Variants in PPFIA4 observed in about 807,000 individuals in gnomAD.
PPFIA4 encodes the protein PPFI scaffold protein A4.
Under a neutral mutation model 145.7 loss-of-function variants are expected in PPFIA4, and 98 were observed. The observed-to-expected ratio is 0.67, with a 90% CI of 0.57 to 0.80. The LOEUF is 0.80. Ranked by LOEUF, PPFIA4 falls within the 30% of genes least tolerant of loss-of-function variation. The probability of loss-of-function intolerance (pLI) is 0.00; values close to 1 mark genes in which losing one functional copy is unlikely to be tolerated. For missense variants in PPFIA4, 1,457 were observed against 1,632.7 expected, an observed-to-expected ratio of 0.89 and a Z score of 1.85; for synonymous variants, 628 against 649.6, an observed-to-expected ratio of 0.97 and a Z score of 0.51.
At chr1:203,035,805 C>CAGA (rs3041270) in intron 1 of PPFIA4, among the ~76,000 whole-genome samples, 1 of 152,022 alleles carries the variant, frequency 6.6e-6, no homozygotes, top group Admixed American at 6.6e-5. Flanking sequence ...TTCTGTGTAG[C>CAGA]AGAGAGGACA....
At chr1:203,042,470 G>A (rs1180818613) in intron 2 of PPFIA4, among the ~76,000 whole-genome samples, 2 of 152,158 alleles carry the variant, frequency 1.3e-5, no homozygotes, top group Non-Finnish European at 2.9e-5. Flanking sequence ...GCCTGACTGG[G>A]CAGGTCTGCA....
chr1:203,055,165 G>A lies in PPFIA4; in HGVS notation c.1830-267G>A, dbSNP rs1435132052. On this transcript the variant is annotated intron_variant, in intron 15 of 29. Coordinates refer to ENST00000295706, the MANE Select transcript of PPFIA4 (RefSeq NM_001304331.2). The surrounding 1 kb of genome is among the most constrained non-coding windows in gnomAD (Gnocchi z 4.8). ...CTGACTCAAGGCCACCCTATAGTTAGGGGTATGTCAAGAATTCTGATTTTC... is the reference window on the plus strand; with the variant it reads ...CTGACTCAAGGCCACCCTATAGTTAAGGGTATGTCAAGAATTCTGATTTTC... 6.6e-6 allele frequency among the ~76,000 whole-genome samples: 1 copy of A among 152,230 alleles called. No homozygotes were observed. Among genetic ancestry groups the A allele is most frequent in the Non-Finnish European group, 1.5e-5 (1 of 68,040 alleles).
Position 203,074,770 on chromosome 1 carries a change from G to T in PPFIA4, c.3394-807G>T, listed in dbSNP as rs536296591. On this transcript the variant is annotated intron_variant, in intron 28 of 29. Transcript: ENST00000295706. The stretch of plus-strand genomic sequence containing the variant: ...TGAAGTGTGGGGTGGGGAGGCCTGT[G>T]CAGAGGGGGATCCTGTAGGGTTGTG... Among the ~76,000 whole-genome samples, 67 of 152,188 alleles carry T rather than the reference G, an allele frequency of 4.4e-4. 1 individual carries two copies. The highest frequency in any genetic ancestry group is 1.4e-3 in the African/African-American group (59 of 41,534).
In PPFIA4 at chr1:203,059,909, G is replaced by A. The variant is rs144107976; in HGVS notation, c.2583+58G>A. 3,775 of 1,387,330 alleles carry A rather than the reference G, an allele frequency of 2.7e-3. 9 individuals carry two copies. Among genetic ancestry groups the A allele is most frequent in the Admixed American group, 4.9e-3 (256 of 52,328 alleles). 85.9% of individuals were successfully genotyped at this position (1,387,330 alleles called of 1,614,324 possible). ...TCTGGAGGGAAGGATGCTTGGGGTG[G>A]GCAGAGGGGTGGTGTCCTAGAACTT... is the stretch of plus-strand genomic sequence containing the variant. On this transcript the variant is annotated intron_variant, in intron 21 of 29. Transcript: ENST00000295706.
rs1181610383 is a variant in PPFIA4, at chr1:203,056,819, G to A, written c.2276G>A (p.Ser759Asn). 1 of 1,613,474 alleles carries A rather than the reference G, an allele frequency of 6.2e-7. No individual in the cohort carries two copies. The highest frequency in any genetic ancestry group is 8.5e-7 in the Non-Finnish European group (1 of 1,179,658). Reference sequence around the variant, plus strand: ...GATCAGGGCAGCAACCCCAGCAGCAGCAACAGCAGCCAGGACTCCCTGCAC... The same window carrying A: ...GATCAGGGCAGCAACCCCAGCAGCAACAACAGCAGCCAGGACTCCCTGCAC... Reference protein sequence around the residue: ...LEDQGSNPSSSNSSQDSLHKG... With the variant: ...LEDQGSNPSSNNSSQDSLHKG... Residue 759 changes from serine to asparagine, a missense_variant, in exon 19 of 30, where the codon AGC becomes AAC. By Grantham distance (46) the Ser-to-Asn change is conservative (BLOSUM62 1). Around this residue, in one of 3 missense-constraint regions of PPFIA4, gnomAD observed 848 missense variants for 1,046.7 expected, o/e 0.81. Coordinates refer to ENST00000295706, the MANE Select transcript of PPFIA4 (RefSeq NM_001304331.2).
intron 13 of PPFIA4, among the ~76,000 whole-genome samples, chr1:203,050,844 G>A (rs1660455335): frequency 1.3e-5 from 2 of 151,256 alleles, no homozygotes; most frequent in Non-Finnish European, 2.9e-5. Flanking sequence ...GTAAAATACG[G>A]CCCACAGTAC....
intron 2 of PPFIA4, among the ~76,000 whole-genome samples, chr1:203,042,008 C>A (rs1324786504): frequency 1.3e-5 from 2 of 152,118 alleles, no homozygotes; most frequent in African/African-American, 4.8e-5. Flanking sequence ...ATCTCTTGTC[C>A]CTTCTGCCCT....
intron 1 of PPFIA4, among the ~76,000 whole-genome samples, chr1:203,034,125 G>A (rs191121333): frequency 1.4e-4 from 22 of 152,304 alleles, no homozygotes; most frequent in African/African-American, 4.1e-4. Flanking sequence ...CTGGGTCAGC[G>A]GAAGGGCAGA....
intron 1 of PPFIA4, among the ~76,000 whole-genome samples, chr1:203,029,296 G>A (rs1288965093): frequency 2.6e-5 from 4 of 152,348 alleles, no homozygotes; most frequent in East Asian, 1.9e-4. Context: ...CAGCTGTAGC[G>A]TGGAATAGCC....
intron 6 of PPFIA4, among the ~76,000 whole-genome samples, chr1:203,045,034 C>T (rs902814325): frequency 6.6e-6 from 1 of 152,206 alleles, no homozygotes; most frequent in Non-Finnish European, 1.5e-5. Context: ...GCACCATCTG[C>T]CTCATGTGGC....
At position 203,048,184 on chromosome 1, in the gene PPFIA4, G is replaced by T. The variant is rs908677174; in HGVS notation, c.1141-43G>T. The T allele has an allele frequency of 4.4e-6, 7 of 1,596,242 alleles. No individual in the cohort carries two copies. The highest frequency in any genetic ancestry group is 6.0e-6 in the Non-Finnish European group (7 of 1,166,940). On this transcript the variant is annotated intron_variant, in intron 9 of 29. Transcript: ENST00000295706. The surrounding 1 kb of genome is among the most constrained non-coding windows in gnomAD (Gnocchi z 5.8). ...AGGGGATGCGGGGCCTGAGCAGGAA[G>T]AACAGAGATCTGCGGGCTGCACCGA...
chr1:203,056,175 C>G lies in PPFIA4; in HGVS notation c.2106+20C>G, dbSNP rs773361823. Reference sequence around the variant, plus strand: ...CTGCTGGTGAGTGCTGCCTGATGGCCCAGGTACTAACGGGTTCACTGCTCC... The same window carrying G: ...CTGCTGGTGAGTGCTGCCTGATGGCGCAGGTACTAACGGGTTCACTGCTCC... On this transcript the variant is annotated intron_variant, in intron 17 of 29. Coordinates refer to ENST00000295706, the MANE Select transcript of PPFIA4 (RefSeq NM_001304331.2). 1.9e-6 allele frequency: 3 copies of G among 1,613,758 alleles called. No individual in the cohort carries two copies. The East Asian group carries it at 6.7e-5, about 36-fold the overall frequency.
chr1:203,061,824 C>T (rs552254099), intron 24 of PPFIA4, 146 bp downstream of exon 24: 116 of 793,784 alleles, frequency 1.5e-4, no homozygotes, highest in African/African-American at 1.2e-3. Context: ...GAGTGCCCCC[C>T]GCCCCCACCC....
rs925693292 is a variant in PPFIA4 at position 203,072,222 on chromosome 1, G to A, written c.3393+462G>A. Among the ~76,000 whole-genome samples, 32 of 152,220 alleles carry A rather than the reference G, an allele frequency of 2.1e-4. 1 individual carries two copies. Among genetic ancestry groups the A allele is most frequent in the Non-Finnish European group, 2.9e-5 (2 of 68,034 alleles). On this transcript the variant is annotated intron_variant, in intron 28 of 29. Transcript: ENST00000295706. ...GGTGTGTGGAGGCGGATGCCCTGCT[G>A]AGGTTGTTAAATGACAGGTTTGCTC...
At chr1:203,049,023 G>A (rs1362853167) in intron 12 of PPFIA4, 43 bp downstream of exon 12, 1 of 1,539,550 alleles carries the variant, frequency 6.5e-7, no homozygotes, top group Admixed American at 2.0e-5. Flanking sequence ...GGAGGGCCGG[G>A]TTGCAGGGAG....
chr1:203,032,786 A>G (rs1013223170), intron 1 of PPFIA4, among the ~76,000 whole-genome samples: 7 of 152,112 alleles, frequency 4.6e-5, no homozygotes, highest in Admixed American at 4.6e-4. Context: ...TAGGGTGGCA[A>G]TGGCAAGGGT....
chr1:203,071,641 A>C, intron 27 of PPFIA4, 51 bp from the exon 28 acceptor site: 2 of 1,354,702 alleles, frequency 1.5e-6, no homozygotes, highest in Non-Finnish European at 1.0e-6. Flanking sequence ...GCATAAAGGT[A>C]GTTAACTATA....
intron 28 of PPFIA4, among the ~76,000 whole-genome samples, chr1:203,073,450 G>A (rs1360029676): frequency 6.6e-6 from 1 of 152,184 alleles, no homozygotes; most frequent in African/African-American, 2.4e-5. Flanking sequence ...TAGAGAGGAG[G>A]GTTTTTGTGG....
chr1:203,051,691 C>T (rs1208117341), intron 13 of PPFIA4, 78 bp from the exon 14 acceptor site: 1 of 1,531,652 alleles, frequency 6.5e-7, no homozygotes, highest in Non-Finnish European at 8.8e-7. Context: ...GATCCCTTGA[C>T]TCTTTGGGCC....
Sources: gnomAD v4.1 joint callset for allele counts (sites outside exome capture counted in the v4.1 genomes callset) on GRCh38, gnomAD v4.1.1 for gene constraint, gnomAD v4.1.1 regional missense constraint, Gnocchi (gnomAD v3.1) non-coding constraint, MANE v1.5 for transcripts, NCBI Gene and HGNC (gene_info 2026-07-23, HGNC 2026-07-21) for gene names.